ESCO1: variants seen among roughly 807,000 people sequenced by gnomAD.
ESCO1 encodes the protein N-acetyltransferase ESCO1.
ESCO1 carries 33 observed loss-of-function variants against 83.5 expected under a neutral mutation model. The observed-to-expected ratio is 0.40, with a 90% CI of 0.30 to 0.53. The LOEUF is 0.53. ESCO1 is among the 20% of genes least tolerant of loss of function. ESCO1 has a pLI of 0.63. For missense variants in ESCO1, 855 were observed against 968.0 expected (o/e 0.88, Z 1.55); for synonymous variants, 332 against 324.3 (o/e 1.02, Z -0.25).
At position 21,568,092 on chromosome 18, in the gene ESCO1, A is replaced by G. The variant is rs202079497; in HGVS notation, c.1533T>C (p.Asn511=). Residue 511 remains asparagine, a splice_region_variant and synonymous_variant, in exon 5 of 12, where the codon AAT becomes AAC. Coordinates refer to ENST00000269214, the MANE Select transcript of ESCO1 (RefSeq NM_052911.3). ...GCTTGGATTCCAAACATTGGCTGAA[A>G]TTCTGAACACATATAATTCAAAATT... is the stretch of plus-strand genomic sequence containing the variant. ...KHSFDSASNK[N]FSQCLESKLE... is the part of the protein sequence containing the mutation. 44 of 1,611,182 alleles carry G rather than the reference A, an allele frequency of 2.7e-5. No individual in the cohort carries two copies. The highest frequency in any genetic ancestry group is 3.5e-5 in the Non-Finnish European group (41 of 1,178,076).
At chr18:21,551,340 G>A (rs534323185) in intron 8 of ESCO1, among the ~76,000 whole-genome samples, 29 of 151,526 alleles carry the variant, frequency 1.9e-4, no homozygotes, top group Admixed American at 1.7e-3. Flanking sequence ...CGTAGTGGCG[G>A]CACCTGTAGG....
chr18:21,544,196 C>A (rs2037941443), intron 8 of ESCO1, among the ~76,000 whole-genome samples: 1 of 151,974 alleles, frequency 6.6e-6, no homozygotes, highest in African/African-American at 2.4e-5. Flanking sequence ...ATTGCTTGAA[C>A]CCAGGGGACA....
At chr18:21,582,751 T>C (rs900357824) in intron 2 of ESCO1, among the ~76,000 whole-genome samples, 1 of 152,254 alleles carries the variant, frequency 6.6e-6, no homozygotes, top group South Asian at 2.1e-4. Context: ...ATATCATTTT[T>C]CACCTATCAA....
chr18:21,593,435 C>G (rs1422741860), intron 1 of ESCO1: 2 of 153,820 alleles, frequency 1.3e-5, no homozygotes, highest in African/African-American at 2.4e-5. Flanking sequence ...CAAAAAAATA[C>G]GAAAACCAGT....
chr18:21,556,846 G>A (rs1371602476), intron 8 of ESCO1, among the ~76,000 whole-genome samples: 8 of 152,074 alleles, frequency 5.3e-5, no homozygotes, highest in South Asian at 2.1e-4. Flanking sequence ...GATTACAGGC[G>A]CGTGCCACCA....
intron 8 of ESCO1, among the ~76,000 whole-genome samples, chr18:21,542,855 T>C (rs767611176): frequency 6.6e-5 from 10 of 152,196 alleles, no homozygotes; most frequent in Admixed American, 3.3e-4. Flanking sequence ...ATAAAGTCCA[T>C]CCAATGCTTA....
intron 8 of ESCO1, among the ~76,000 whole-genome samples, chr18:21,558,211 A>C (rs2038136961): frequency 1.3e-5 from 2 of 151,954 alleles, no homozygotes; most frequent in East Asian, 3.9e-4. Flanking sequence ...GTTTCTAATA[A>C]GTCAAATAAA....
chr18:21,594,014 T>C lies in ESCO1; in HGVS notation c.-825+6609A>G, dbSNP rs150706536. ...TCTTTGTTATGGGTGGGCTGTCCCGTGCATGGAGGAGCAGCAGCCTGTTTA... is the reference window on the plus strand; with the variant it reads ...TCTTTGTTATGGGTGGGCTGTCCCGCGCATGGAGGAGCAGCAGCCTGTTTA... On this transcript the variant is annotated intron_variant, in intron 1 of 11. Transcript: ENST00000269214. Among the ~76,000 whole-genome samples the C allele has an allele frequency of 7.6e-3, 1,150 of 152,254 alleles. 15 individuals are homozygous for C. The highest frequency in any genetic ancestry group is 0.026 in the African/African-American group (1,074 of 41,548).
chr18:21,591,081 A>G (rs928465240), intron 1 of ESCO1, among the ~76,000 whole-genome samples: 1 of 152,218 alleles, frequency 6.6e-6, no homozygotes, highest in Admixed American at 6.5e-5. Context: ...TTGTGAATGT[A>G]TCTTATTTGG....
intron 8 of ESCO1, among the ~76,000 whole-genome samples, chr18:21,553,812 G>A (rs1946599613): frequency 6.7e-6 from 1 of 148,424 alleles, no homozygotes; most frequent in African/African-American, 2.5e-5. Flanking sequence ...AGCCGAGATT[G>A]TTGCGCCACT....
chr18:21,551,272 C>T (rs1184541745), intron 8 of ESCO1, among the ~76,000 whole-genome samples: 1 of 151,928 alleles, frequency 6.6e-6, no homozygotes, highest in Non-Finnish European at 1.5e-5. Flanking sequence ...AGATCGATAC[C>T]ATCCTGGCTA....
intron 10 of ESCO1, among the ~76,000 whole-genome samples, 163 bp from the exon 11 acceptor site, chr18:21,532,823 T>C (rs1433101383): frequency 6.6e-6 from 1 of 152,240 alleles, no homozygotes; most frequent in Non-Finnish European, 1.5e-5. Context: ...GGATCTGCAT[T>C]CTGTTCCAGT....
At chr18:21,535,530 G>A (rs1315350781) in intron 10 of ESCO1, among the ~76,000 whole-genome samples, 2 of 151,982 alleles carry the variant, frequency 1.3e-5, no homozygotes, top group South Asian at 2.1e-4. Context: ...CTACAGGCAC[G>A]TGCCACCATG....
chr18:21,580,518 A>G (rs1207583649), intron 2 of ESCO1, among the ~76,000 whole-genome samples: 1 of 152,162 alleles, frequency 6.6e-6, no homozygotes, highest in Non-Finnish European at 1.5e-5. Flanking sequence ...ACTCCCAAAC[A>G]TCTTCCTCTA....
chr18:21,561,014 G>GT (rs745471550), intron 7 of ESCO1, 24 bp from the exon 8 acceptor site: 14 of 1,564,910 alleles, frequency 8.9e-6, no homozygotes, highest in South Asian at 1.2e-5. Flanking sequence ...ACACACAAAA[G>GT]TTTTTTTCCT....
In ESCO1 at chr18:21,530,505, TGGG is replaced by T. The variant is rs35451929; in HGVS notation, c.2376-18_2376-16del. ...TAAAGTTACTCCTATTAAAAAAAAA[TGGG>T]GGGGGGGAAGGGTTAAGTGTGAAAT... On this transcript the variant is annotated splice_polypyrimidine_tract_variant and intron_variant, in intron 11 of 11. Coordinates refer to ENST00000269214, the MANE Select transcript of ESCO1 (RefSeq NM_052911.3). 28 of 1,149,056 alleles carry T rather than the reference TGGG, an allele frequency of 2.4e-5. No homozygotes were observed. The highest frequency in any genetic ancestry group is 3.0e-5 in the Non-Finnish European group (26 of 852,828). 71.2% of individuals were successfully genotyped at this position (1,149,056 alleles called of 1,614,324 possible). A position where few individuals can be genotyped will look rare whatever the true frequency, so the allele number is the denominator to read the frequency against.
intron 2 of ESCO1, among the ~76,000 whole-genome samples, chr18:21,577,575 G>A (rs2146214932): frequency 6.7e-6 from 1 of 150,096 alleles, no homozygotes; most frequent in African/African-American, 2.5e-5. Context: ...CAGGAGAATT[G>A]CTTGAATCCA....
At chr18:21,575,513 T>G (rs563227684) in intron 3 of ESCO1, 83 bp from the exon 4 acceptor site, 1 of 398,244 alleles carries the variant, frequency 2.5e-6, no homozygotes, top group South Asian at 1.3e-4. Context: ...ATAACCTTGA[T>G]TTAAGGAAAA....
chr18:21,535,795 C>T (rs984902010), intron 10 of ESCO1, among the ~76,000 whole-genome samples: 1 of 152,304 alleles, frequency 6.6e-6, no homozygotes, highest in African/African-American at 2.4e-5. Context: ...GGATTATAGG[C>T]GTGAGCCAGT....
Sources: gnomAD v4.1 joint callset for allele counts (sites outside exome capture counted in the v4.1 genomes callset) on GRCh38, gnomAD v4.1.1 for gene constraint, MANE v1.5 for transcripts, NCBI Gene and HGNC (gene_info 2026-07-23, HGNC 2026-07-21) for gene names.